The following NKAIN2 variants were observed in gnomAD, a reference collection of about 807,000 sequenced individuals.
NKAIN2 encodes the protein sodium/potassium transporting ATPase interacting 2.
A neutral mutation model predicts 32.6 loss-of-function variants in NKAIN2; 14 were observed. The observed-to-expected ratio is 0.43, with a 90% CI of 0.28 to 0.67. The LOEUF is 0.67. Ranked by LOEUF, NKAIN2 falls within the 30% of genes least tolerant of loss-of-function variation. The pLI is 0.17. For synonymous variants in NKAIN2, 80 were observed against 87.2 expected, an observed-to-expected ratio of 0.92 and a Z score of 0.46; for missense variants, 198 against 258.3, an observed-to-expected ratio of 0.77 and a Z score of 1.60.
At chr6:123,948,055 A>G (rs2114574760) in intron 1 of NKAIN2, among the ~76,000 whole-genome samples, 1 of 151,992 alleles carries the variant, frequency 6.6e-6, no homozygotes, top group Non-Finnish European at 1.5e-5. Context: ...TTAACATAAT[A>G]TTTTCCAGTT....
chr6:124,598,981 A>G (rs903261438), intron 3 of NKAIN2, among the ~76,000 whole-genome samples: 6 of 151,572 alleles, frequency 4.0e-5, no homozygotes, highest in African/African-American at 1.5e-4. Context: ...TAATATTCCA[A>G]TTCATAGACC....
At chr6:124,327,093 T>C (rs1426235146) in intron 2 of NKAIN2, among the ~76,000 whole-genome samples, 1 of 152,116 alleles carries the variant, frequency 6.6e-6, no homozygotes, top group East Asian at 1.9e-4. Context: ...TCACTTTCAT[T>C]GCTTGGCTGT....
At chr6:124,084,574 A>T (rs1784110815) in intron 1 of NKAIN2, among the ~76,000 whole-genome samples, 1 of 151,954 alleles carries the variant, frequency 6.6e-6, no homozygotes, top group Non-Finnish European at 1.5e-5. Flanking sequence ...GTGTAGCACT[A>T]ATCTTATATT....
At chr6:124,585,424 A>G (rs1005722898) in intron 3 of NKAIN2, among the ~76,000 whole-genome samples, 5 of 152,212 alleles carry the variant, frequency 3.3e-5, no homozygotes, top group African/African-American at 1.2e-4. Flanking sequence ...TACAGTCAAC[A>G]ATAATTTATG....
chr6:124,066,828 A>T (rs1430760239), intron 1 of NKAIN2, among the ~76,000 whole-genome samples: 1 of 151,580 alleles, frequency 6.6e-6, no homozygotes, highest in Admixed American at 6.6e-5. Context: ...AAACACATTG[A>T]TGCAATTTGA....
At chr6:124,407,367 C>G (rs1175178805) in intron 3 of NKAIN2, among the ~76,000 whole-genome samples, 5 of 149,168 alleles carry the variant, frequency 3.4e-5, no homozygotes, top group African/African-American at 5.0e-5. Context: ...CACAACCATC[C>G]CCTGTGTGTG....
chr6:124,394,463 A>ATAGATAGT (rs1407558242), intron 3 of NKAIN2, among the ~76,000 whole-genome samples: 1 of 137,440 alleles, frequency 7.3e-6, no homozygotes, highest in Non-Finnish European at 1.6e-5. Context: ...TATGAGATAG[A>ATAGATAGT]TAGATAGATA....
At position 124,677,123 on chromosome 6, in the gene NKAIN2, C is replaced by T. The variant is rs534400855; in HGVS notation, c.474+18737C>T. Among the ~76,000 whole-genome samples, 52 of 152,210 alleles carry T rather than the reference C, an allele frequency of 3.4e-4. No homozygotes were observed. The South Asian group carries it at 3.5e-3, about 10-fold the overall frequency. On this transcript the variant is annotated intron_variant, in intron 4 of 6. Coordinates refer to ENST00000368417, the MANE Select transcript of NKAIN2 (RefSeq NM_001040214.3). ...AGCTGGGATTGCAGGTCCACGCCACCACACCCAGCTAATTTTTGTATTTTT... is the reference window on the plus strand; with the variant it reads ...AGCTGGGATTGCAGGTCCACGCCACTACACCCAGCTAATTTTTGTATTTTT...
At chr6:124,321,101 CA>C (rs1191286128) in intron 2 of NKAIN2, among the ~76,000 whole-genome samples, 1 of 152,024 alleles carries the variant, frequency 6.6e-6, no homozygotes, top group Non-Finnish European at 1.5e-5. Context: ...TTCATGAAGT[CA>C]AAAATGGTTG....
At chr6:124,457,089 CTG>C (rs1776352403) in intron 3 of NKAIN2, among the ~76,000 whole-genome samples, 2 of 151,882 alleles carry the variant, frequency 1.3e-5, no homozygotes, top group Admixed American at 1.3e-4. Flanking sequence ...AGCACCTGCT[CTG>C]TGTGTACTGC....
intron 4 of NKAIN2, among the ~76,000 whole-genome samples, chr6:124,733,361 G>A (rs982018179): frequency 2.6e-5 from 4 of 151,768 alleles, no homozygotes; most frequent in Admixed American, 1.3e-4. Context: ...AAATAATGCA[G>A]ACTGTGACAA....
intron 2 of NKAIN2, among the ~76,000 whole-genome samples, chr6:124,332,867 G>A (rs1329591156): frequency 1.3e-5 from 2 of 152,132 alleles, no homozygotes; most frequent in African/African-American, 4.8e-5. Flanking sequence ...AAATCCCTTT[G>A]CACTCATCCA....
intron 1 of NKAIN2, among the ~76,000 whole-genome samples, chr6:124,183,637 T>C (rs1035705936): frequency 6.6e-6 from 1 of 152,178 alleles, no homozygotes; most frequent in Non-Finnish European, 1.5e-5. Flanking sequence ...CAACAACTAT[T>C]ACTGATGTAA....
chr6:124,263,674 G>A (rs1170984281), intron 1 of NKAIN2, among the ~76,000 whole-genome samples: 1 of 151,982 alleles, frequency 6.6e-6, no homozygotes, highest in African/African-American at 2.4e-5. Flanking sequence ...GAACTTGTTT[G>A]TAAACCGTAT....
At chr6:124,604,087 G>A (rs1782408822) in intron 3 of NKAIN2, among the ~76,000 whole-genome samples, 1 of 151,982 alleles carries the variant, frequency 6.6e-6, no homozygotes, top group Non-Finnish European at 1.5e-5. Flanking sequence ...GGCTAGACAG[G>A]AGCAAAGTAT....
In NKAIN2 at chr6:123,976,300, TATATATGTTTCC is replaced by T. The variant is rs1562287357; in HGVS notation, c.54+172053_54+172064del. On this transcript the variant is annotated intron_variant, in intron 1 of 6. Transcript: ENST00000368417. Reference sequence around the variant, plus strand: ...ATATGTTTCCATATATATGTTTCCATATATATGTTTCCATATATATATATGTTCCCATATATA... The same window carrying T: ...ATATGTTTCCATATATATGTTTCCATATATATATATATGTTCCCATATATA... Among the ~76,000 whole-genome samples, 536 of 101,186 alleles carry T rather than the reference TATATATGTTTCC, an allele frequency of 5.3e-3. 57 individuals carry two copies. The highest frequency in any genetic ancestry group is 9.5e-3 in the Middle Eastern group (2 of 210). The allele number at this position is 101,186 out of a possible 152,430, so 66.4% of individuals were successfully genotyped here. A position where few individuals can be genotyped will look rare whatever the true frequency, so the allele number is the denominator to read the frequency against.
chr6:124,564,157 G>T (rs960384241), intron 3 of NKAIN2, among the ~76,000 whole-genome samples: 2 of 152,164 alleles, frequency 1.3e-5, no homozygotes, highest in African/African-American at 4.8e-5. Context: ...GGGACTTGGA[G>T]AACTTTTCTG....
chr6:123,897,727 A>C (rs1562245618), intron 1 of NKAIN2, among the ~76,000 whole-genome samples: 2 of 151,960 alleles, frequency 1.3e-5, no homozygotes. Flanking sequence ...TGGCATAGAG[A>C]GGGTGCTCAT....
chr6:123,820,438 G>T (rs1279159916), intron 1 of NKAIN2, among the ~76,000 whole-genome samples: 1 of 152,210 alleles, frequency 6.6e-6, no homozygotes, highest in East Asian at 1.9e-4. Context: ...TAAATAAGAT[G>T]CCTGTATTAT....
Sources: gnomAD v4.1 joint callset for allele counts (sites outside exome capture counted in the v4.1 genomes callset) on GRCh38, gnomAD v4.1.1 for gene constraint, MANE v1.5 for transcripts, NCBI Gene and HGNC (gene_info 2026-07-23, HGNC 2026-07-21) for gene names.